The following DHX32 variants were observed in gnomAD, a reference collection of about 807,000 sequenced individuals.
The protein encoded by DHX32 is DEAH-box helicase 32 (putative), also known as putative pre-mRNA-splicing factor ATP-dependent RNA helicase DHX32.
Under a neutral mutation model 70.0 loss-of-function variants are expected in DHX32, and 51 were observed. The observed-to-expected ratio is 0.73, with a 90% confidence interval of 0.58 to 0.92. The LOEUF (loss-of-function observed/expected upper bound fraction) is 0.92. DHX32 is among the 40% of genes least tolerant of loss of function. The probability of loss-of-function intolerance (pLI) is 0.00; values close to 1 mark genes in which losing one functional copy is unlikely to be tolerated. For missense variants in DHX32, 762 were observed against 891.8 expected (o/e 0.85, Z 1.85); for synonymous variants, 310 against 315.3 (o/e 0.98, Z 0.18).
chr10:125,867,357 G>C (rs918248567), intron 1 of DHX32, among the ~76,000 whole-genome samples, 174 bp from the exon 2 acceptor site: 1 of 152,206 alleles, frequency 6.6e-6, no homozygotes, highest in Non-Finnish European at 1.5e-5. Context: ...TATGCACAGA[G>C]TTACTGCTAG....
chr10:125,861,459 G>A (rs190337822), intron 2 of DHX32, among the ~76,000 whole-genome samples: 1 of 152,080 alleles, frequency 6.6e-6, no homozygotes, highest in African/African-American at 2.4e-5. Context: ...ATTGCGCCAG[G>A]GCACTCCAGC....
Position 125,856,744 on chromosome 10 carries a change from AAGACCAGCCTGGGCAACATAGTT to A in DHX32, c.850-2564_850-2542del, listed in dbSNP as rs1487531953. ...GAGAACTGCTTGAGGCCAGGAGTTC[AAGACCAGCCTGGGCAACATAGTT>A]AGACCCCGTCTCTACCAAAAAAAAA... On this transcript the variant is annotated intron_variant, in intron 3 of 10. Transcript: ENST00000284690. Among the ~76,000 whole-genome samples the A allele has an allele frequency of 2.6e-5, 4 of 152,244 alleles. No individual in the cohort carries two copies. The East Asian group carries it at 7.7e-4, about 29-fold the overall frequency.
upstream of DHX32, among the ~76,000 whole-genome samples, chr10:125,882,802 T>A (rs1944325606): frequency 6.6e-6 from 1 of 152,174 alleles, no homozygotes; most frequent in South Asian, 2.1e-4. Context: ...TAGCTTGAGA[T>A]CATCGCACAA....
intron 1 of DHX32, 143 bp downstream of exon 1, chr10:125,880,400 A>T: frequency 3.6e-6 from 3 of 827,814 alleles, no homozygotes; most frequent in Non-Finnish European, 5.3e-6. Flanking sequence ...AAAATTAGGT[A>T]CGTGATTTAA....
chr10:125,851,920 CAAA>C (rs56380138), intron 6 of DHX32, among the ~76,000 whole-genome samples: 13 of 86,756 alleles, frequency 1.5e-4, no homozygotes, highest in Admixed American at 6.9e-4. Context: ...GACCCTGTCT[CAAA>C]AAAAAAAAAA....
At chr10:125,861,126 C>T (rs553564839) in intron 2 of DHX32, among the ~76,000 whole-genome samples, 6 of 152,274 alleles carry the variant, frequency 3.9e-5, no homozygotes, top group South Asian at 4.1e-4. Flanking sequence ...TCTGAGATTG[C>T]TATCCTTCGA....
chr10:125,896,164 G>A (rs1468298339), intron 1 of DHX32: 19 of 163,560 alleles, frequency 1.2e-4, no homozygotes, highest in Admixed American at 9.7e-4. Context: ...CTCGGGGCGC[G>A]CCCGCCCCTG....
intron 6 of DHX32, chr10:125,842,291 A>G (rs563762214): frequency 2.4e-5 from 5 of 211,564 alleles, no homozygotes; most frequent in Admixed American, 6.1e-5. Flanking sequence ...AGAGAGACAC[A>G]CAGATCTAAG....
At chr10:125,854,451 T>A (rs1944128696) in intron 3 of DHX32, 1 of 310,246 alleles carries the variant, frequency 3.2e-6, no homozygotes, top group Non-Finnish European at 5.8e-6. Flanking sequence ...ACTAAAAATC[T>A]AAGTAAAAAA....
rs112744415 is a variant in DHX32, at chr10:125,887,045, C to T, written c.-247-5974G>A. Among the ~76,000 whole-genome samples the T allele has an allele frequency of 1.7e-3, 255 of 149,454 alleles. 1 individual carries two copies. Among genetic ancestry groups the T allele is most frequent in the African/African-American group, 5.7e-3 (234 of 40,756 alleles). On this transcript the variant is annotated intron_variant, in intron 1 of 2. Coordinates refer to the DHX32 transcript ENST00000415732. ...ACAGTGGGTGACTAATTAATAATTA[C>T]GGGCTGAGTAAATAGTGAATGAGTC...
chr10:125,854,034 G>C lies in DHX32; in HGVS notation c.1019C>G (p.Thr340Ser). ...QVYQRRVVLT[T>S]SSGEFLIWSN... ...CCAGATCAAAAACTCTCCAGAGCTA[G>C]TAGTTAACACCACTCTTCTTTGATA... Residue 340 changes from threonine (T) to serine (S), a missense_variant, in exon 4 of 11, where the codon ACT (threonine) becomes AGT (serine). Transcript: ENST00000284690. The C allele has an allele frequency of 3.1e-6, 5 of 1,614,066 alleles. No homozygotes were observed. The highest frequency in any genetic ancestry group is 1.7e-4 in the Middle Eastern group (1 of 6,060).
chr10:125,849,761 G>A (rs573563028), intron 6 of DHX32, among the ~76,000 whole-genome samples: 19 of 152,144 alleles, frequency 1.2e-4, no homozygotes, highest in African/African-American at 1.9e-4. Flanking sequence ...TAAATGTTAC[G>A]TTAACATTTA....
chr10:125,842,811 T>C, intron 6 of DHX32: 1 of 948,170 alleles, frequency 1.1e-6, no homozygotes, highest in Non-Finnish European at 1.3e-6. Flanking sequence ...AAGCTGATTC[T>C]CTCCATCTCT....
intron 7 of DHX32, chr10:125,841,419 CATT>C: frequency 1.3e-6 from 2 of 1,589,896 alleles, no homozygotes; most frequent in South Asian, 1.1e-5. Flanking sequence ...AGGCACACAA[CATT>C]ATTTGGGGAA....
intron 3 of DHX32, chr10:125,854,663 C>T (rs549845088): frequency 2.3e-4 from 36 of 153,492 alleles, no homozygotes; most frequent in Non-Finnish European, 4.5e-4. Flanking sequence ...GTTTCCTGGT[C>T]TGCTAAGTGG....
chr10:125,841,699 G>A (rs1227044795), intron 7 of DHX32, 44 bp downstream of exon 7: 1 of 1,591,116 alleles, frequency 6.3e-7, no homozygotes, highest in Admixed American at 1.9e-5. Flanking sequence ...TCTATACCTA[G>A]TGCAGATTTG....
At chr10:125,855,927 G>A (rs1944143873) in intron 3 of DHX32, among the ~76,000 whole-genome samples, 2 of 152,128 alleles carry the variant, frequency 1.3e-5, no homozygotes, top group African/African-American at 4.8e-5. Flanking sequence ...TTGTAAGTTG[G>A]TTCTAATGTT....
Position 125,842,855 on chromosome 10 carries a change from G to T in DHX32, c.1352-921C>A, listed in dbSNP as rs941721602. On this transcript the variant is annotated intron_variant, in intron 6 of 10. Coordinates refer to ENST00000284690, the MANE Select transcript of DHX32 (RefSeq NM_018180.3). ...TTTAAGTTTATGTAACATCGATAATGATGTGGTATTATATATGCTCAGTCT... is the reference window on the plus strand; with the variant it reads ...TTTAAGTTTATGTAACATCGATAATTATGTGGTATTATATATGCTCAGTCT... 34 of 839,418 alleles carry T rather than the reference G, an allele frequency of 4.1e-5. No homozygotes were observed. In the Admixed American group the frequency reaches 5.0e-4, roughly 12 times the overall value. 52.0% of individuals were successfully genotyped at this position (839,418 alleles called of 1,614,324 possible).
At chr10:125,841,380 A>T (rs1319872025) in intron 7 of DHX32, 1 of 1,612,430 alleles carries the variant, frequency 6.2e-7, no homozygotes, top group African/African-American at 1.3e-5. Flanking sequence ...ACAAGCCAGG[A>T]TGAATGAAGC....
Sources: gnomAD v4.1 joint callset for allele counts (sites outside exome capture counted in the v4.1 genomes callset) on GRCh38, gnomAD v4.1.1 for gene constraint, MANE v1.5 for transcripts, NCBI Gene and HGNC (gene_info 2026-07-23, HGNC 2026-07-21) for gene names.